MAP2K1: variants seen among roughly 807,000 people sequenced by gnomAD.
The protein encoded by MAP2K1 is mitogen-activated protein kinase kinase 1, also known as dual specificity mitogen-activated protein kinase kinase 1.
In MAP2K1, 16 loss-of-function variants were observed where a neutral mutation model predicts 46.3. The observed-to-expected ratio is 0.35, with a 90% CI of 0.23 to 0.52. MAP2K1 has a LOEUF of 0.52. Ranked by LOEUF, MAP2K1 falls within the 20% of genes least tolerant of loss-of-function variation. MAP2K1 has a pLI of 0.94. For missense variants in MAP2K1, 263 were observed against 497.1 expected, an observed-to-expected ratio of 0.53 and a Z score of 4.48; for synonymous variants, 183 against 185.6, an observed-to-expected ratio of 0.99 and a Z score of 0.11.
intron 1 of MAP2K1, among the ~76,000 whole-genome samples, chr15:66,426,373 A>C (rs1281773797): frequency 6.6e-6 from 1 of 151,674 alleles, no homozygotes; most frequent in Non-Finnish European, 1.5e-5. Flanking sequence ...AAAAAAAAAA[A>C]ACCTTTATAA....
At chr15:66,482,356 C>G (rs1249814549) in intron 6 of MAP2K1, among the ~76,000 whole-genome samples, 2 of 152,194 alleles carry the variant, frequency 1.3e-5, no homozygotes, top group Non-Finnish European at 2.9e-5. Flanking sequence ...CTTTCAGTAT[C>G]TTGTAGCTCC....
intron 1 of MAP2K1, among the ~76,000 whole-genome samples, chr15:66,429,665 C>CA (rs1491308600): frequency 1.7e-4 from 6 of 35,570 alleles, no homozygotes; most frequent in Admixed American, 6.8e-4. Flanking sequence ...CACTGCGGCG[C>CA]CCCCCCCCCC....
At chr15:66,489,012 G>A (rs1893148632) in intron 8 of MAP2K1, 1 of 622,050 alleles carries the variant, frequency 1.6e-6, no homozygotes, top group South Asian at 1.9e-5. Context: ...TTTGAGATCA[G>A]TGGTTCCAAC....
intron 5 of MAP2K1, among the ~76,000 whole-genome samples, chr15:66,479,807 T>C (rs1892870615): frequency 6.6e-6 from 1 of 152,170 alleles, no homozygotes; most frequent in Non-Finnish European, 1.5e-5. Flanking sequence ...AGAGCTGGCC[T>C]GGAATGGTGA....
At chr15:66,452,845 G>C (rs1028170160) in intron 5 of MAP2K1, among the ~76,000 whole-genome samples, 1 of 152,140 alleles carries the variant, frequency 6.6e-6, no homozygotes, top group African/African-American at 2.4e-5. Context: ...CTTAGCTTTG[G>C]TTTCTATATG....
At chr15:66,414,540 T>G (rs544791952) in intron 1 of MAP2K1, among the ~76,000 whole-genome samples, 1 of 152,162 alleles carries the variant, frequency 6.6e-6, no homozygotes, top group African/African-American at 2.4e-5. Flanking sequence ...CCTAGTACAT[T>G]GATGTGTAAC....
intron 5 of MAP2K1, among the ~76,000 whole-genome samples, chr15:66,457,746 C>T (rs1250949076): frequency 6.6e-6 from 1 of 151,880 alleles, no homozygotes; most frequent in Non-Finnish European, 1.5e-5. Flanking sequence ...TGGATCACCT[C>T]AGGTCAGGGG....
rs1196428468 is a variant in MAP2K1, at chr15:66,428,773, C to CTTTT, written c.81-6231_81-6228dup. Among the ~76,000 whole-genome samples the CTTTT allele has an allele frequency of 3.0e-3, 234 of 78,194 alleles. 17 individuals carry two copies. Among genetic ancestry groups the CTTTT allele is most frequent in the African/African-American group, 4.5e-3 (80 of 17,676 alleles). 51.3% of individuals were successfully genotyped at this position (78,194 alleles called of 152,430 possible). A position where few individuals can be genotyped will look rare whatever the true frequency, so the allele number is the denominator to read the frequency against. On this transcript the variant is annotated intron_variant, in intron 1 of 10. Transcript: ENST00000307102. ...GTTGCCCTTTTTTGAATTTTCTTTC[C>CTTTT]TTTTTTTTTTTTTTTTTTTTTTTTT...
intron 9 of MAP2K1, 116 bp downstream of exon 9, chr15:66,489,392 C>T (rs574645920): frequency 2.9e-5 from 29 of 994,208 alleles, no homozygotes; most frequent in Non-Finnish European, 4.2e-5. Flanking sequence ...TTTACCCTCC[C>T]GTCTGATGAT....
chr15:66,413,624 ATTTTTT>A (rs35015556), intron 1 of MAP2K1, among the ~76,000 whole-genome samples: 1 of 150,932 alleles, frequency 6.6e-6, no homozygotes, highest in African/African-American at 2.4e-5. Context: ...TATTGTAGGC[ATTTTTT>A]TTTTTCTTTT....
intron 1 of MAP2K1, among the ~76,000 whole-genome samples, chr15:66,415,409 A>G (rs576840919): frequency 6.6e-6 from 1 of 151,730 alleles, no homozygotes; most frequent in South Asian, 2.1e-4. Context: ...CATCCTCCTA[A>G]CCCCCAAAGC....
intron 1 of MAP2K1, among the ~76,000 whole-genome samples, chr15:66,431,092 G>T (rs534914047): frequency 6.6e-6 from 1 of 152,298 alleles, no homozygotes; most frequent in South Asian, 2.1e-4. Flanking sequence ...GTGTGTGTCA[G>T]ATTTATTGTG....
rs113821727 is a variant in MAP2K1, at chr15:66,421,443, C to CT, written c.81-13572dup. Among the ~76,000 whole-genome samples the CT allele has an allele frequency of 3.9e-3, 569 of 145,700 alleles. 5 individuals carry two copies. Among genetic ancestry groups the CT allele is most frequent in the East Asian group, 0.021 (107 of 5,052 alleles). On this transcript the variant is annotated intron_variant, in intron 1 of 10. Transcript: ENST00000307102. ...CACCTTGCCTGGCCTGGCTTATAATCTTTTTTTTTTTTCCTTAAGTGCTAA... is the reference window on the plus strand; with the variant it reads ...CACCTTGCCTGGCCTGGCTTATAATCTTTTTTTTTTTTTCCTTAAGTGCTAA...
chr15:66,412,251 A>G (rs1471855452), intron 1 of MAP2K1, among the ~76,000 whole-genome samples: 2 of 152,190 alleles, frequency 1.3e-5, no homozygotes, highest in Admixed American at 6.5e-5. Context: ...CTGTGGTTTG[A>G]TATGTGGAAA....
At position 66,490,926 on chromosome 15, in the gene MAP2K1, T is replaced by C. The variant is rs1893236017; in HGVS notation, c.*311T>C. On this transcript the variant is annotated 3_prime_UTR_variant, in exon 11 of 11. Coordinates refer to ENST00000307102, the MANE Select transcript of MAP2K1 (RefSeq NM_002755.4). ...TGAATGTGGGTAGTCATTCTTACAA[T>C]TGCACTGCTGTTCCTGCTCCATGAC... The C allele has an allele frequency of 6.4e-6, 3 of 471,600 alleles. No individual in the cohort carries two copies. Among genetic ancestry groups the C allele is most frequent in the South Asian group, 6.3e-5 (3 of 47,872 alleles). The allele number at this position is 471,600 out of a possible 1,614,324, so 29.2% of individuals were successfully genotyped here.
At chr15:66,489,573 T>G (rs1383072725) in intron 9 of MAP2K1, 145 bp from the exon 10 acceptor site, 2 of 784,306 alleles carry the variant, frequency 2.6e-6, no homozygotes, top group African/African-American at 3.4e-5. Flanking sequence ...ACTGTGGGCA[T>G]GATACTGTGC....
rs139325592 is a variant in MAP2K1, at chr15:66,397,846, G to A, written c.80+10419G>A. ...AGGCCATTTGCGGTGGCTCACGCCT[G>A]TAATCCCAGCACTTCGGGAGGCCGA... On this transcript the variant is annotated intron_variant, in intron 1 of 10. Coordinates refer to ENST00000307102, the MANE Select transcript of MAP2K1 (RefSeq NM_002755.4). Among the ~76,000 whole-genome samples the A allele has an allele frequency of 8.7e-3, 1,327 of 152,320 alleles. 16 individuals carry two copies. The highest frequency in any genetic ancestry group is 0.03 in the African/African-American group (1,249 of 41,572).
intron 1 of MAP2K1, among the ~76,000 whole-genome samples, chr15:66,410,808 A>G (rs1230292313): frequency 6.6e-6 from 1 of 152,182 alleles, no homozygotes; most frequent in Non-Finnish European, 1.5e-5. Flanking sequence ...CTGTACATGA[A>G]CTACTCAGGA....
chr15:66,390,498 T>C (rs1432432951), intron 1 of MAP2K1, among the ~76,000 whole-genome samples: 1 of 152,164 alleles, frequency 6.6e-6, no homozygotes, highest in Non-Finnish European at 1.5e-5. Context: ...CACCTGTGCT[T>C]ACCTCTAACA....
Sources: allele counts gnomAD v4.1 joint callset (sites outside exome capture counted in the v4.1 genomes callset), GRCh38; gene constraint gnomAD v4.1.1; transcripts MANE v1.5; gene names NCBI Gene and HGNC (gene_info 2026-07-23, HGNC 2026-07-21).